The following JAKMIP2 variants were observed in gnomAD, a reference collection of about 807,000 sequenced individuals.
The protein encoded by JAKMIP2 is janus kinase and microtubule interacting protein 2, also known as janus kinase and microtubule-interacting protein 2.
Under a neutral mutation model 115.0 loss-of-function variants are expected in JAKMIP2, and 25 were observed. The ratio of observed to expected loss-of-function variants is 0.22; its 90% CI spans 0.16 to 0.30. The LOEUF (loss-of-function observed/expected upper bound fraction) is 0.30, where lower values mean the gene tolerates loss of function less well. Among genes scored for constraint, JAKMIP2 ranks in the 10% least tolerant of loss-of-function variants. JAKMIP2 has a pLI of 1.00. For synonymous variants in JAKMIP2, 334 were observed against 343.6 expected, an observed-to-expected ratio of 0.97 and a Z score of 0.31; for missense variants, 642 against 957.6, an observed-to-expected ratio of 0.67 and a Z score of 4.35.
At chr5:147,714,414 C>G (rs1265304219) in intron 1 of JAKMIP2, among the ~76,000 whole-genome samples, 1 of 151,840 alleles carries the variant, frequency 6.6e-6, no homozygotes, top group East Asian at 1.9e-4. Context: ...AAAAACAGGT[C>G]GAAAGCATGG....
chr5:147,705,449 A>C (rs1386934045), intron 1 of JAKMIP2, among the ~76,000 whole-genome samples: 1 of 152,106 alleles, frequency 6.6e-6, no homozygotes, highest in African/African-American at 2.4e-5. Flanking sequence ...CTAAAAATAC[A>C]AAAATTAGCC....
At chr5:147,648,111 C>T (rs1203148332) in intron 5 of JAKMIP2, among the ~76,000 whole-genome samples, 1 of 152,038 alleles carries the variant, frequency 6.6e-6, no homozygotes, top group South Asian at 2.1e-4. Flanking sequence ...ACATCTATGG[C>T]GATTGAAGTC....
At chr5:147,597,407 A>T (rs1183777085) in intron 21 of JAKMIP2, among the ~76,000 whole-genome samples, 1 of 152,208 alleles carries the variant, frequency 6.6e-6, no homozygotes, top group Non-Finnish European at 1.5e-5. Flanking sequence ...CAAGTTCAAA[A>T]ATTTATGGTT....
chr5:147,781,455 C>T (rs1026631967), intron 1 of JAKMIP2, among the ~76,000 whole-genome samples: 5 of 152,200 alleles, frequency 3.3e-5, no homozygotes, highest in Non-Finnish European at 5.9e-5. Context: ...TTTGCTTCAA[C>T]ATTGATTTGG....
chr5:147,666,559 T>C (rs939754314), intron 2 of JAKMIP2, among the ~76,000 whole-genome samples: 2 of 152,212 alleles, frequency 1.3e-5, no homozygotes, highest in African/African-American at 4.8e-5. Flanking sequence ...CTCTATGATG[T>C]AGGAAGTCTT....
intron 1 of JAKMIP2, among the ~76,000 whole-genome samples, chr5:147,673,880 G>A (rs1759773929): frequency 6.6e-6 from 1 of 151,860 alleles, no homozygotes; most frequent in South Asian, 2.1e-4. Flanking sequence ...TCTAAATGTT[G>A]TTGTTGTTCT....
At chr5:147,637,437 A>ATTTTTTTTTTTTTTTTTTTTTTTC (rs34831610) in intron 10 of JAKMIP2, among the ~76,000 whole-genome samples, 1 of 79,340 alleles carries the variant, frequency 1.3e-5, no homozygotes, top group Non-Finnish European at 2.6e-5. Context: ...AATTCTTTTG[A>ATTTTTTTTTTTTTTTTTTTTTTTC]TTTTTTTTTT....
At chr5:147,675,713 T>C (rs2126817032) in intron 1 of JAKMIP2, among the ~76,000 whole-genome samples, 1 of 152,152 alleles carries the variant, frequency 6.6e-6, no homozygotes, top group East Asian at 1.9e-4. Flanking sequence ...TATTTAGTGT[T>C]TTGTCTCTAC....
chr5:147,627,657 C>G (rs532560981), intron 16 of JAKMIP2, among the ~76,000 whole-genome samples: 2 of 99,650 alleles, frequency 2.0e-5, no homozygotes, highest in African/African-American at 7.7e-5. Flanking sequence ...ATGTGTATCT[C>G]TAACAGATAA....
At chr5:147,758,868 A>ATG (rs1246490782) in intron 1 of JAKMIP2, among the ~76,000 whole-genome samples, 6 of 152,172 alleles carry the variant, frequency 3.9e-5, no homozygotes, top group African/African-American at 1.2e-4. Flanking sequence ...TTATTGAACT[A>ATG]TGTATAGTGC....
intron 1 of JAKMIP2, among the ~76,000 whole-genome samples, chr5:147,699,480 G>A (rs938516483): frequency 8.5e-5 from 13 of 152,084 alleles, no homozygotes; most frequent in African/African-American, 2.7e-4. Flanking sequence ...ATAACAGCAA[G>A]ACCTCAAGAA....
At chr5:147,701,236 T>A (rs1428079858) in intron 1 of JAKMIP2, among the ~76,000 whole-genome samples, 1 of 152,164 alleles carries the variant, frequency 6.6e-6, no homozygotes, top group African/African-American at 2.4e-5. Flanking sequence ...AGAAGTTAAA[T>A]TACTTTGTGA....
chr5:147,753,970 T>C (rs191228500), intron 1 of JAKMIP2, among the ~76,000 whole-genome samples: 1 of 152,264 alleles, frequency 6.6e-6, no homozygotes, highest in East Asian at 1.9e-4. Context: ...CCTGTAGTCC[T>C]CCTAACGCAA....
chr5:147,595,924 G>T (rs562500403), intron 21 of JAKMIP2, among the ~76,000 whole-genome samples: 1 of 152,262 alleles, frequency 6.6e-6, no homozygotes, highest in African/African-American at 2.4e-5. Context: ...TTTCCCCAAT[G>T]TATGTAAAAT....
intron 1 of JAKMIP2, among the ~76,000 whole-genome samples, chr5:147,702,457 GGA>G: frequency 4.8e-5 from 6 of 126,248 alleles, no homozygotes; most frequent in African/African-American, 2.1e-4. Flanking sequence ...AAGGAAGGAA[GGA>G]AGGAAGGGAG....
At chr5:147,751,400 G>T (rs1754555234) in intron 1 of JAKMIP2, among the ~76,000 whole-genome samples, 1 of 152,136 alleles carries the variant, frequency 6.6e-6, no homozygotes, top group African/African-American at 2.4e-5. Flanking sequence ...GCCCGACATG[G>T]ATGACTTTTA....
At chr5:147,665,812 T>A (rs1759270846) in intron 2 of JAKMIP2, among the ~76,000 whole-genome samples, 1 of 152,238 alleles carries the variant, frequency 6.6e-6, no homozygotes, top group South Asian at 2.1e-4. Flanking sequence ...TACTCCTTGA[T>A]CTAAAATTAT....
chr5:147,591,568 C>T lies in JAKMIP2; in HGVS notation c.*139G>A. The T allele has an allele frequency of 1.1e-6, 1 of 891,938 alleles. No individual in the cohort carries two copies. 55.3% of individuals were successfully genotyped at this position (891,938 alleles called of 1,614,324 possible). A position where few individuals can be genotyped will look rare whatever the true frequency, so the allele number is the denominator to read the frequency against. On this transcript the variant is annotated 3_prime_UTR_variant, in exon 22 of 22. Coordinates refer to ENST00000616793, the MANE Select transcript of JAKMIP2 (RefSeq NM_001270941.2). ...GGCTTTAAAATACACAGTTGTAGTC[C>T]TGGCTACAGGGTAGTTCTTAGCTTT...
At chr5:147,738,393 G>A (rs970895622) in intron 1 of JAKMIP2, among the ~76,000 whole-genome samples, 1 of 152,078 alleles carries the variant, frequency 6.6e-6, no homozygotes, top group African/African-American at 2.4e-5. Context: ...GGAGAGAAAG[G>A]TTATTCAGTA....
Sources: allele counts gnomAD v4.1 joint callset (sites outside exome capture counted in the v4.1 genomes callset), GRCh38; gene constraint gnomAD v4.1.1; transcripts MANE v1.5; gene names NCBI Gene and HGNC (gene_info 2026-07-23, HGNC 2026-07-21).